KIF6: variants seen among roughly 807,000 people sequenced by gnomAD.
KIF6 encodes kinesin family member 6.
In KIF6, 106 loss-of-function variants were observed where a neutral mutation model predicts 112.7. The observed-to-expected ratio is 0.94, with a 90% CI of 0.80 to 1.11. The LOEUF (loss-of-function observed/expected upper bound fraction) is 1.11, where lower values mean the gene tolerates loss of function less well. Ranked by LOEUF, KIF6 falls within the 50% of genes least tolerant of loss-of-function variation. The pLI is 0.00. For synonymous variants in KIF6, 339 were observed against 339.9 expected (o/e 1.00, Z 0.03); for missense variants, 929 against 964.0 (o/e 0.96, Z 0.48).
chr6:39,662,242 T>C (rs62403332), intron 3 of KIF6, among the ~76,000 whole-genome samples: 7,167 of 152,312 alleles, frequency 0.047, 243 homozygotes, highest in South Asian at 0.07. Context: ...GAGAGGCTGA[T>C]TTACTATGGG....
chr6:39,602,700 G>C (rs547205808), intron 6 of KIF6, among the ~76,000 whole-genome samples: 12 of 152,308 alleles, frequency 7.9e-5, no homozygotes, highest in African/African-American at 2.9e-4. Flanking sequence ...GAAACAGCTA[G>C]ATTAACTCAA....
intron 15 of KIF6, among the ~76,000 whole-genome samples, chr6:39,389,096 C>T (rs546267273): frequency 3.9e-5 from 6 of 152,104 alleles, no homozygotes; most frequent in South Asian, 2.1e-4. Context: ...TAAATATGAC[C>T]GCGAGCAGGG....
intron 10 of KIF6, 85 bp downstream of exon 10, chr6:39,577,971 G>A (rs1781061174): frequency 2.2e-6 from 2 of 901,184 alleles, no homozygotes; most frequent in South Asian, 2.9e-5. Context: ...ATGCTTTGAG[G>A]TGAATTCATA....
intron 10 of KIF6, among the ~76,000 whole-genome samples, chr6:39,549,727 A>G (rs1407526362): frequency 6.6e-6 from 1 of 152,208 alleles, no homozygotes; most frequent in Non-Finnish European, 1.5e-5. Context: ...ACGGCAAAAA[A>G]AGTTGGGAAG....
rs952840831 is a variant in KIF6 at position 39,470,788 on chromosome 6, C to T, written c.1646-39627G>A. Among the ~76,000 whole-genome samples, 4 of 145,624 alleles carry T rather than the reference C, an allele frequency of 2.7e-5. No individual in the cohort carries two copies. The East Asian group carries it at 7.7e-4, about 28-fold the overall frequency. ...AGACCCCTGAGCAGGACTGGCCTTC[C>T]CAGCATGCAAATGCACTCCAAGGGA... On this transcript the variant is annotated intron_variant, in intron 13 of 22. Transcript: ENST00000287152.
chr6:39,417,421 G>A (rs1770000042), intron 15 of KIF6, among the ~76,000 whole-genome samples: 1 of 152,224 alleles, frequency 6.6e-6, no homozygotes, highest in African/African-American at 2.4e-5. Context: ...GTTCTTGGCA[G>A]CAATGGAAGC....
intron 7 of KIF6, among the ~76,000 whole-genome samples, chr6:39,590,453 T>TATATATATA (rs1781885450): frequency 8.4e-6 from 1 of 119,360 alleles, no homozygotes; most frequent in African/African-American, 3.4e-5. Context: ...ATATATATAT[T>TATATATATA]TTTTTTTTTT....
intron 6 of KIF6, among the ~76,000 whole-genome samples, chr6:39,604,364 T>G (rs1782752496): frequency 6.6e-6 from 1 of 152,174 alleles, no homozygotes; most frequent in African/African-American, 2.4e-5. Context: ...TAACTCAGCC[T>G]GGAAAAGTGA....
intron 13 of KIF6, among the ~76,000 whole-genome samples, chr6:39,443,177 AG>A (rs1772064464): frequency 2.0e-5 from 3 of 148,752 alleles, no homozygotes; most frequent in Admixed American, 1.3e-4. Flanking sequence ...AATAAAAAAA[AG>A]AAAGAGGCTC....
chr6:39,563,509 ATAT>A (rs2150601601), intron 10 of KIF6, among the ~76,000 whole-genome samples: 2 of 152,324 alleles, frequency 1.3e-5, no homozygotes, highest in South Asian at 4.2e-4. Flanking sequence ...TAATATATGC[ATAT>A]TATTTATATA....
At chr6:39,468,304 A>T (rs1773916616) in intron 13 of KIF6, among the ~76,000 whole-genome samples, 1 of 152,204 alleles carries the variant, frequency 6.6e-6, no homozygotes, top group East Asian at 1.9e-4. Context: ...AAAAGCAGAA[A>T]AAATGTTTAA....
intron 3 of KIF6, among the ~76,000 whole-genome samples, chr6:39,667,557 T>G (rs927062708): frequency 2.0e-5 from 3 of 152,150 alleles, no homozygotes. Flanking sequence ...TTTCTAGATA[T>G]TCCTTAATCT....
intron 10 of KIF6, among the ~76,000 whole-genome samples, chr6:39,549,821 G>A (rs1582110886): frequency 6.6e-6 from 1 of 152,092 alleles, no homozygotes; most frequent in East Asian, 1.9e-4. Flanking sequence ...TTTAAGTGAC[G>A]GCAAAGTGTT....
At chr6:39,351,755 G>A (rs1764260635) in intron 19 of KIF6, among the ~76,000 whole-genome samples, 1 of 152,152 alleles carries the variant, frequency 6.6e-6, no homozygotes, top group Non-Finnish European at 1.5e-5. Flanking sequence ...CAGAAAAGAG[G>A]GTACAGAAAT....
At chr6:39,344,523 C>G (rs1763559391) in intron 21 of KIF6, among the ~76,000 whole-genome samples, 1 of 152,176 alleles carries the variant, frequency 6.6e-6, no homozygotes. Flanking sequence ...ATTTACCAAG[C>G]CACTTCCAGC....
chr6:39,715,935 T>C (rs1240727695), intron 2 of KIF6, among the ~76,000 whole-genome samples: 2 of 152,182 alleles, frequency 1.3e-5, no homozygotes, highest in African/African-American at 4.8e-5. Context: ...GCTGAACTGC[T>C]TTTCAGAGCA....
intron 3 of KIF6, among the ~76,000 whole-genome samples, chr6:39,652,396 G>A (rs549315144): frequency 2.0e-5 from 3 of 151,972 alleles, no homozygotes; most frequent in South Asian, 2.1e-4. Flanking sequence ...GCGTGGTGGC[G>A]TATGCCTGTA....
intron 10 of KIF6, among the ~76,000 whole-genome samples, chr6:39,550,240 C>A (rs114619987): frequency 0.012 from 1,893 of 152,198 alleles, 31 homozygotes; most frequent in African/African-American, 0.043. Context: ...GCAGTGGGTT[C>A]TAGAAATTGG....
intron 9 of KIF6, chr6:39,583,535 C>T: frequency 2.1e-6 from 1 of 470,342 alleles, no homozygotes. Context: ...CTCCTTCCCC[C>T]TCTGTCCTTC....
Sources: allele counts gnomAD v4.1 joint callset (sites outside exome capture counted in the v4.1 genomes callset), GRCh38; gene constraint gnomAD v4.1.1; transcripts MANE v1.5; gene names NCBI Gene and HGNC (gene_info 2026-07-23, HGNC 2026-07-21).